The following SCAMP3 variants were observed in gnomAD, a reference collection of about 807,000 sequenced individuals.
The protein encoded by SCAMP3 is secretory carrier membrane protein 3.
In SCAMP3, 30 loss-of-function variants were observed where a neutral mutation model predicts 44.1. The ratio of observed to expected loss-of-function variants is 0.68; its 90% CI spans 0.51 to 0.92. SCAMP3 has a LOEUF of 0.92. Among genes scored for constraint, SCAMP3 ranks in the 40% least tolerant of loss-of-function variants. The pLI is 0.00. For missense variants in SCAMP3, 394 were observed against 440.0 expected (o/e 0.90, Z 0.93); for synonymous variants, 168 against 171.1 (o/e 0.98, Z 0.14).
At position 155,256,380 on chromosome 1, in the gene SCAMP3, T is replaced by C. The variant is rs1425788562; in HGVS notation, c.937A>G (p.Lys313Glu). The change falls in exon 9 of 9, where the codon AAG (lysine) becomes GAG (glutamate). Residue 313 changes from lysine (K) to glutamate (E), a missense_variant. Lys to Glu is a moderately conservative substitution (Grantham distance 56, BLOSUM62 1). Transcript: ENST00000302631. ...CCAGCAGCAAATTCTTGCTGGGCCT[T>C]CTGAAAGCTGGCACCTGTGCGGCGG... The part of the protein sequence containing the change: ...LYRRTGASFQ[K>E]AQQEFAAGVF... The C allele has an allele frequency of 1.2e-6, 2 of 1,606,416 alleles. No individual in the cohort carries two copies. Among genetic ancestry groups the C allele is most frequent in the East Asian group, 2.2e-5 (1 of 44,670 alleles).
At chr1:155,258,243 T>C (rs1335333835) in intron 5 of SCAMP3, among the ~76,000 whole-genome samples, 1 of 150,470 alleles carries the variant, frequency 6.6e-6, no homozygotes, top group Non-Finnish European at 1.5e-5. Flanking sequence ...ATGGTCTTGA[T>C]CTCCTAACCT....
chr1:155,262,000 C>G, intron 1 of SCAMP3, 86 bp downstream of exon 1: 2 of 1,356,058 alleles, frequency 1.5e-6, no homozygotes, highest in Non-Finnish European at 2.1e-6. Context: ...TCAAATGTCA[C>G]AAATGGGGAT....
At position 155,257,635 on chromosome 1, in the gene SCAMP3, CAGG is replaced by C; in HGVS notation, c.537_539del (p.Leu180del). The C allele has an allele frequency of 1.3e-6, 2 of 1,566,100 alleles. No individual in the cohort carries two copies. The highest frequency in any genetic ancestry group is 1.9e-5 in the Admixed American group (1 of 52,956). On this transcript the variant is annotated inframe_deletion, in exon 6 of 9. Coordinates refer to ENST00000302631, the MANE Select transcript of SCAMP3 (RefSeq NM_005698.4). Reference sequence around the variant, plus strand: ...AGCTGGCCAGGCAGGCGAGGAAGTTCAGGAGAAGAGCCAGCGTGCTGCCTAAGG... The same window carrying C: ...AGCTGGCCAGGCAGGCGAGGAAGTTCAGAAGAGCCAGCGTGCTGCCTAAGG...
intron 4 of SCAMP3, among the ~76,000 whole-genome samples, 189 bp from the exon 5 acceptor site, chr1:155,259,143 C>T (rs182367381): frequency 3.6e-4 from 53 of 145,506 alleles, no homozygotes; most frequent in Admixed American, 3.1e-3. Context: ...ACCTCCTGGG[C>T]TCAAGCAACC....
In SCAMP3 at chr1:155,261,688, A is replaced by G. The variant is rs760073; in HGVS notation, c.113T>C (p.Leu38Pro). 6.2e-7 allele frequency: 1 copy of G among 1,614,132 alleles called. No individual in the cohort carries two copies. The highest frequency in any genetic ancestry group is 1.7e-5 in the Admixed American group (1 of 60,020). ...QHRPSRQYAT[L>P]DVYNPFETRE... ...GGTCTCAAAAGGGTTGTAGACGTCA[A>G]GCGTGGCATACTGCCGGCTGGGTCG... Residue 38 changes from leucine (L) to proline (P), a missense_variant, in exon 2 of 9, where the codon CTT becomes CCT. Transcript: ENST00000302631.
chr1:155,258,902 G>C lies in SCAMP3; in HGVS notation c.441C>G (p.Cys147Trp), dbSNP rs1330054968. Residue 147 changes from cysteine (C) to tryptophan (W), a missense_variant, in exon 5 of 9, where the codon TGC (cysteine) becomes TGG (tryptophan). Cys to Trp is a radical substitution (Grantham distance 215). Transcript: ENST00000302631. ...TCTCCATGGAGATGTCCTGGAAAAA[G>C]CAGGGCTGAACTGGACAAAAAGAAG... ...PLPSFCPVQP[C>W]FFQDISMEIP... 2 of 1,613,540 alleles carry C rather than the reference G, an allele frequency of 1.2e-6. No individual in the cohort carries two copies. Among genetic ancestry groups the C allele is most frequent in the Non-Finnish European group, 1.7e-6 (2 of 1,179,758 alleles).
rs1672960308 is a variant in SCAMP3, at chr1:155,261,485, G to GGTGGCCCTA, written c.144+163_144+171dup. The GGTGGCCCTA allele has an allele frequency of 9.0e-6, 6 of 667,282 alleles. No homozygotes were observed. In the Middle Eastern group the frequency reaches 7.5e-4, roughly 83 times the overall value. The allele number at this position is 667,282 out of a possible 1,614,324, so 41.3% of individuals were successfully genotyped here. On this transcript the variant is annotated intron_variant, in intron 2 of 8. Transcript: ENST00000302631. Reference sequence around the variant, plus strand: ...TCAAACCATTTGGGTTGGTGGCCCTGGTGGCCCTAGAAGGATGAGGCATCC... The same window carrying GGTGGCCCTA: ...TCAAACCATTTGGGTTGGTGGCCCTGGTGGCCCTAGTGGCCCTAGAAGGATGAGGCATCC...
intron 4 of SCAMP3, 112 bp downstream of exon 4, chr1:155,260,218 A>C: frequency 7.4e-7 from 1 of 1,350,106 alleles, no homozygotes. Context: ...TCAGCCTCCC[A>C]AAGTGCTGGG....
Position 155,260,914 on chromosome 1 carries a change from G to GT in SCAMP3, c.145-256dup, listed in dbSNP as rs60762712. On this transcript the variant is annotated intron_variant, in intron 2 of 8. Transcript: ENST00000302631. ...TTACCATATCTCCCCACTTAACTGT[G>GT]TTTTTTTTTTTTCTTTTCTTCTGGG... 2.0e-3 allele frequency among the ~76,000 whole-genome samples: 298 copies of GT among 146,764 alleles called. 1 individual carries two copies. Among genetic ancestry groups the GT allele is most frequent in the South Asian group, 5.6e-3 (26 of 4,666 alleles).
At chr1:155,257,444 A>C (rs1672835057) in intron 6 of SCAMP3, 54 bp downstream of exon 6, 1 of 1,607,284 alleles carries the variant, frequency 6.2e-7, no homozygotes, top group Non-Finnish European at 8.5e-7. Context: ...AAGGATGGGC[A>C]GACGTGGGGC....
chr1:155,259,234 G>GTGTGATCT (rs2148120844), intron 4 of SCAMP3, among the ~76,000 whole-genome samples: 1 of 150,080 alleles, frequency 6.7e-6, no homozygotes, highest in East Asian at 2.0e-4. Flanking sequence ...GAGTGCAGTG[G>GTGTGATCT]TGTGATCTTG....
intron 5 of SCAMP3, among the ~76,000 whole-genome samples, 179 bp from the exon 6 acceptor site, chr1:155,257,836 T>C (rs1384257317): frequency 1.4e-5 from 2 of 143,604 alleles, no homozygotes; most frequent in East Asian, 4.6e-4. Context: ...TAATGTGTGA[T>C]CCCCTTGCAA....
At position 155,261,727 on chromosome 1, in the gene SCAMP3, G is replaced by A; in HGVS notation, c.74C>T (p.Ala25Val). 1.2e-6 allele frequency: 2 copies of A among 1,613,918 alleles called. No individual in the cohort carries two copies. Among genetic ancestry groups the A allele is most frequent in the Non-Finnish European group, 1.7e-6 (2 of 1,179,994 alleles). ...SELDNPFQDPAVIQHRPSRQY... is the reference protein window; with the variant it reads ...SELDNPFQDPVVIQHRPSRQY... ...CCGGCTGGGTCGGTGCTGGATCACA[G>A]CTGGGTCCTGAGGGCAGAGACCCGG... The change falls in exon 2 of 9, where the codon GCT becomes GTT. Residue 25 changes from alanine (A) to valine (V), a missense_variant. By Grantham distance (64) the Ala-to-Val change is moderately conservative (BLOSUM62 0). Coordinates refer to ENST00000302631, the MANE Select transcript of SCAMP3 (RefSeq NM_005698.4).
intron 4 of SCAMP3, among the ~76,000 whole-genome samples, chr1:155,259,575 G>A (rs995906814): frequency 1.3e-5 from 2 of 152,054 alleles, no homozygotes; most frequent in South Asian, 2.1e-4. Context: ...ATGTTGTCCA[G>A]GTTGGTCTCT....
chr1:155,260,643 T>C lies in SCAMP3; in HGVS notation c.161A>G (p.Glu54Gly), dbSNP rs1224595607. 1 of 1,611,862 alleles carries C rather than the reference T, an allele frequency of 6.2e-7. No individual in the cohort carries two copies. Among genetic ancestry groups the C allele is most frequent in the Non-Finnish European group, 8.5e-7 (1 of 1,178,890 alleles). Residue 54 changes from glutamate (E) to glycine (G), a missense_variant, in exon 3 of 9, where the codon GAG becomes GGG. Transcript: ENST00000302631. ...AGGCAATGGGGCAGGGGCTGGAGGC[T>C]CATAGGCTGGTGGTGGCTGTTGAGG... ...FETREPPPAY[E>G]PPAPAPLPPP... is the part of the protein sequence containing the mutation.
chr1:155,256,603 G>A, intron 8 of SCAMP3, 71 bp downstream of exon 8: 5 of 1,452,498 alleles, frequency 3.4e-6, no homozygotes, highest in Non-Finnish European at 4.8e-6. Context: ...AGTTGCTCCT[G>A]AATGTTCCAC....
chr1:155,257,851 ATT>A (rs34278239), intron 5 of SCAMP3, among the ~76,000 whole-genome samples, 194 bp from the exon 6 acceptor site: 35 of 149,744 alleles, frequency 2.3e-4, no homozygotes, highest in African/African-American at 7.6e-4. Context: ...TTGCAAAGAC[ATT>A]TTTTTTTTTG....
Position 155,261,649 on chromosome 1 carries a change from T to C in SCAMP3, c.144+8A>G. 1 of 1,612,742 alleles carries C rather than the reference T, an allele frequency of 6.2e-7. No homozygotes were observed. The highest frequency in any genetic ancestry group is 8.5e-7 in the Non-Finnish European group (1 of 1,178,792). ...TTCCTTGAACTCCTATGCTCTCCAGTAGCTCACCTCCCGGGTCTCAAAAGG... is the reference window on the plus strand; with the variant it reads ...TTCCTTGAACTCCTATGCTCTCCAGCAGCTCACCTCCCGGGTCTCAAAAGG... On this transcript the variant is annotated splice_region_variant and intron_variant, in intron 2 of 8. Transcript: ENST00000302631.
intron 5 of SCAMP3, 25 bp downstream of exon 5, chr1:155,258,801 C>T: frequency 6.3e-7 from 1 of 1,587,230 alleles, no homozygotes; most frequent in Non-Finnish European, 8.6e-7. Context: ...CTGTAACTTC[C>T]TCCAAAAGGC....
Sources: gnomAD v4.1 joint callset for allele counts (sites outside exome capture counted in the v4.1 genomes callset) on GRCh38, gnomAD v4.1.1 for gene constraint, MANE v1.5 for transcripts, NCBI Gene and HGNC (gene_info 2026-07-23, HGNC 2026-07-21) for gene names.